The following WWC1 variants were observed in gnomAD, a reference collection of about 807,000 sequenced individuals.
WWC1 encodes protein KIBRA.
A neutral mutation model predicts 138.4 loss-of-function variants in WWC1; 55 were observed. The ratio of observed to expected loss-of-function variants is 0.40; its 90% CI spans 0.32 to 0.50. The LOEUF (loss-of-function observed/expected upper bound fraction) is 0.50. WWC1 is among the 20% of genes least tolerant of loss of function. WWC1 has a pLI of 0.72. For synonymous variants in WWC1, 524 were observed against 564.9 expected (o/e 0.93, Z 1.03); for missense variants, 1,226 against 1,420.4 (o/e 0.86, Z 2.20).
chr5:168,450,216 A>G (rs1056060910), intron 17 of WWC1, among the ~76,000 whole-genome samples: 1 of 152,186 alleles, frequency 6.6e-6, no homozygotes, highest in Non-Finnish European at 1.5e-5. Context: ...TACTTAACAA[A>G]TGCAGCCTAT....
chr5:168,455,588 C>A, intron 19 of WWC1, 68 bp downstream of exon 19: 1 of 1,564,530 alleles, frequency 6.4e-7, no homozygotes, highest in East Asian at 2.3e-5. Flanking sequence ...GGGCTGGGTG[C>A]AAATCCCATT....
Position 168,315,499 on chromosome 5 carries a change from G to T in WWC1, c.119+23228G>T, listed in dbSNP as rs1156827444. ...CCACCTGGTGAACTTCAGCTGAAGG[G>T]CCACCTCTCCCTGGGAGCCTTCCTT... On this transcript the variant is annotated intron_variant, in intron 1 of 22. Transcript: ENST00000265293. Among the ~76,000 whole-genome samples, 3 of 151,988 alleles carry T rather than the reference G, an allele frequency of 2.0e-5. 1 individual carries two copies. The highest frequency in any genetic ancestry group is 2.0e-4 in the Admixed American group (3 of 15,250).
intron 17 of WWC1, among the ~76,000 whole-genome samples, chr5:168,448,771 G>A (rs769065015): frequency 1.8e-4 from 27 of 151,856 alleles, no homozygotes; most frequent in African/African-American, 3.1e-4. Context: ...GGCACCTGCC[G>A]CCATGCCCAG....
intron 1 of WWC1, among the ~76,000 whole-genome samples, chr5:168,296,556 A>G (rs914206223): frequency 3.2e-4 from 48 of 152,232 alleles, no homozygotes; most frequent in Non-Finnish European, 2.9e-5. Flanking sequence ...CCTGCCATAG[A>G]TAAGCTTGGA....
intron 1 of WWC1, among the ~76,000 whole-genome samples, chr5:168,320,612 GT>G (rs1561605522): frequency 6.6e-6 from 1 of 152,180 alleles, no homozygotes. Flanking sequence ...GACTCTGTGT[GT>G]TTGGTAGGTG....
At position 168,292,217 on chromosome 5, in the gene WWC1, T is replaced by A. The variant is rs1170392340; in HGVS notation, c.65T>A (p.Val22Asp). ...WEEARDFDGK[V>D]YYIDHTNRTT... ...GAGGCGCGCGACTTCGACGGCAAGG[T>A]CTACTACATAGACCACACGAACCGC... Residue 22 changes from valine (V) to aspartate (D), a missense_variant, in exon 1 of 23, where the codon GTC becomes GAC. Val to Asp is a radical substitution (Grantham distance 152, BLOSUM62 -3). Coordinates refer to ENST00000265293, the MANE Select transcript of WWC1 (RefSeq NM_015238.3). This position sits in a 1 kb window ranked among gnomAD's most constrained non-coding sequence, Gnocchi z 4.4. The A allele has an allele frequency of 6.3e-7, 1 of 1,579,718 alleles. No homozygotes were observed. The highest frequency in any genetic ancestry group is 1.8e-5 in the Admixed American group (1 of 55,792).
intron 5 of WWC1, among the ~76,000 whole-genome samples, chr5:168,402,327 T>A (rs1286231773): frequency 6.6e-6 from 1 of 152,136 alleles, no homozygotes; most frequent in Non-Finnish European, 1.5e-5. Context: ...GAGAGGCAGG[T>A]GGTCAGGGTT....
intron 21 of WWC1, among the ~76,000 whole-genome samples, chr5:168,467,297 A>C (rs759157615): frequency 6.6e-6 from 1 of 152,186 alleles, no homozygotes; most frequent in South Asian, 2.1e-4. Context: ...TTATTTACCA[A>C]AATTCTGTCT....
chr5:168,322,360 C>T (rs115652780), intron 1 of WWC1, among the ~76,000 whole-genome samples: 177 of 151,944 alleles, frequency 1.2e-3, no homozygotes, highest in African/African-American at 4.2e-3. Context: ...GTGGACCATA[C>T]CATCTCTGTC....
intron 11 of WWC1, among the ~76,000 whole-genome samples, chr5:168,424,541 A>G (rs4546406): frequency 0.67 from 101,371 of 152,132 alleles, 35,507 homozygotes; most frequent in East Asian, 0.99. Context: ...CTTTCTGGTT[A>G]GAGGTGGGAC....
In WWC1 at chr5:168,399,502, G is replaced by A; in HGVS notation, c.525G>A (p.Lys175=). The stretch of plus-strand genomic sequence containing the variant: ...CTGCCCTCCAGGTCAACAAGCTGAA[G>A]AGAGAGATGGTTCACCTCCAGCACG... ...ATAKSRVNKL[K]REMVHLQHEL... The change falls in exon 5 of 23, where the codon AAG becomes AAA. Residue 175 remains lysine (K), a synonymous_variant. Coordinates refer to ENST00000265293, the MANE Select transcript of WWC1 (RefSeq NM_015238.3). 1.2e-6 allele frequency: 2 copies of A among 1,614,180 alleles called. No individual in the cohort carries two copies. Among genetic ancestry groups the A allele is most frequent in the East Asian group, 2.2e-5 (1 of 44,874 alleles).
intron 5 of WWC1, 25 bp from the exon 6 acceptor site, chr5:168,406,173 A>C (rs1385976631): frequency 6.2e-7 from 1 of 1,612,486 alleles, no homozygotes; most frequent in Non-Finnish European, 8.5e-7. Context: ...TCTAAGGCTG[A>C]CCTTTCCCAT....
chr5:168,391,153 G>T lies in WWC1; in HGVS notation c.433+5739G>T, dbSNP rs546389172. Among the ~76,000 whole-genome samples, 135 of 152,272 alleles carry T rather than the reference G, an allele frequency of 8.9e-4. 1 individual carries two copies. Among genetic ancestry groups the T allele is most frequent in the South Asian group, 8.5e-3 (41 of 4,824 alleles). On this transcript the variant is annotated intron_variant, in intron 3 of 22. Coordinates refer to ENST00000265293, the MANE Select transcript of WWC1 (RefSeq NM_015238.3). ...AAAAGGTGAGAACTCAAGAGAGCTGGGTTCTTTGGGACCTTATCATATTTT... is the reference window on the plus strand; with the variant it reads ...AAAAGGTGAGAACTCAAGAGAGCTGTGTTCTTTGGGACCTTATCATATTTT...
chr5:168,346,117 T>C (rs1006310587), intron 1 of WWC1, among the ~76,000 whole-genome samples: 1 of 152,048 alleles, frequency 6.6e-6, no homozygotes, highest in African/African-American at 2.4e-5. Flanking sequence ...TGCCCAGCCC[T>C]GGCTCTCCCT....
At chr5:168,334,054 GAAAAA>G (rs70976475) in intron 1 of WWC1, among the ~76,000 whole-genome samples, 5 of 44,508 alleles carry the variant, frequency 1.1e-4, no homozygotes, top group South Asian at 1.8e-3. Flanking sequence ...CATCCCTACT[GAAAAA>G]AAAAAAAAAA....
intron 5 of WWC1, among the ~76,000 whole-genome samples, chr5:168,405,517 A>G (rs76048148): frequency 4.9e-4 from 75 of 152,246 alleles, no homozygotes; most frequent in African/African-American, 1.5e-3. Flanking sequence ...TTATCACACA[A>G]TGTAACGACT....
At chr5:168,294,230 C>G in intron 1 of WWC1, among the ~76,000 whole-genome samples, 1 of 152,102 alleles carries the variant, frequency 6.6e-6, no homozygotes, top group South Asian at 2.1e-4. Flanking sequence ...TTGGCTGGAG[C>G]ACAATCTCCC....
chr5:168,382,258 C>T (rs1006377232), intron 2 of WWC1, among the ~76,000 whole-genome samples: 36 of 152,210 alleles, frequency 2.4e-4, no homozygotes, highest in Non-Finnish European at 1.9e-4. Context: ...TGGCATGGTC[C>T]ATGTTGCATT....
At chr5:168,331,273 T>C in intron 1 of WWC1, among the ~76,000 whole-genome samples, 1 of 152,202 alleles carries the variant, frequency 6.6e-6, no homozygotes. Flanking sequence ...GTTTATATGT[T>C]TAAAGAATGG....
Sources: allele counts gnomAD v4.1 joint callset (sites outside exome capture counted in the v4.1 genomes callset), GRCh38; gene constraint gnomAD v4.1.1; non-coding constraint Gnocchi (gnomAD v3.1); transcripts MANE v1.5; gene names NCBI Gene and HGNC (gene_info 2026-07-23, HGNC 2026-07-21).